Variants in DENND1A observed in about 807,000 individuals in gnomAD.
DENND1A encodes DENN domain containing 1A.
Under a neutral mutation model 113.7 loss-of-function variants are expected in DENND1A, and 51 were observed. That is an observed-to-expected ratio of 0.45 (90% CI 0.36 to 0.57). DENND1A has a LOEUF of 0.57. Ranked by LOEUF, DENND1A falls within the 20% of genes least tolerant of loss-of-function variation. The pLI, the probability that DENND1A is intolerant of heterozygous loss-of-function variation, is 0.00. For synonymous variants in DENND1A, 565 were observed against 570.8 expected (o/e 0.99, Z 0.14); for missense variants, 1,258 against 1,395.9 (o/e 0.90, Z 1.57).
At chr9:123,823,927 T>G (rs937375931) in intron 2 of DENND1A, among the ~76,000 whole-genome samples, 1 of 152,108 alleles carries the variant, frequency 6.6e-6, no homozygotes, top group African/African-American at 2.4e-5. Flanking sequence ...AGGAGAATGA[T>G]CCTAAGTTCA....
chr9:123,414,279 G>T (rs993670338), intron 19 of DENND1A: 4 of 1,343,118 alleles, frequency 3.0e-6, no homozygotes, highest in Non-Finnish European at 3.8e-6. Context: ...TGGACGTCAG[G>T]TTCTTTGCAC....
chr9:123,576,161 T>TA (rs1474837707), intron 12 of DENND1A, among the ~76,000 whole-genome samples: 1 of 152,212 alleles, frequency 6.6e-6, no homozygotes, highest in East Asian at 1.9e-4. Context: ...TAATACAGTC[T>TA]ACCTTCAAAT....
intron 2 of DENND1A, among the ~76,000 whole-genome samples, chr9:123,814,294 T>G (rs1212880286): frequency 6.6e-6 from 1 of 152,126 alleles, no homozygotes; most frequent in Non-Finnish European, 1.5e-5. Context: ...AAATGTTAAT[T>G]TAATATTTTT....
At chr9:123,914,908 T>C (rs866365687) in intron 1 of DENND1A, among the ~76,000 whole-genome samples, 1 of 152,000 alleles carries the variant, frequency 6.6e-6, no homozygotes, top group African/African-American at 2.4e-5. Context: ...CACATGGGAT[T>C]TGGAGGCGAC....
At chr9:123,696,999 G>A (rs1189566143) in intron 5 of DENND1A, among the ~76,000 whole-genome samples, 1 of 152,146 alleles carries the variant, frequency 6.6e-6, no homozygotes, top group Non-Finnish European at 1.5e-5. Context: ...ACCTGCCACT[G>A]TGCCGGTTAA....
chr9:123,743,184 C>G (rs2069166276), intron 5 of DENND1A, among the ~76,000 whole-genome samples: 1 of 151,938 alleles, frequency 6.6e-6, no homozygotes, highest in Non-Finnish European at 1.5e-5. Flanking sequence ...ACAGGCAGAT[C>G]ACTTGAGGTC....
intron 5 of DENND1A, among the ~76,000 whole-genome samples, chr9:123,732,760 T>C (rs1163191782): frequency 6.6e-6 from 1 of 152,168 alleles, no homozygotes; most frequent in Non-Finnish European, 1.5e-5. Flanking sequence ...ACTTATCTGA[T>C]TGAATTTAGT....
chr9:123,393,608 C>A (rs1402733387), intron 21 of DENND1A, among the ~76,000 whole-genome samples: 1 of 151,986 alleles, frequency 6.6e-6, no homozygotes, highest in Non-Finnish European at 1.5e-5. Flanking sequence ...GTGGCACACG[C>A]CCCATAGAAG....
chr9:123,545,161 T>C (rs2056575600), intron 13 of DENND1A, among the ~76,000 whole-genome samples: 1 of 152,048 alleles, frequency 6.6e-6, no homozygotes, highest in Middle Eastern at 3.2e-3. Flanking sequence ...GCACCTTCTA[T>C]GTATCAGGTT....
intron 5 of DENND1A, among the ~76,000 whole-genome samples, chr9:123,724,414 A>G (rs1328831459): frequency 1.3e-5 from 2 of 152,146 alleles, no homozygotes; most frequent in African/African-American, 4.8e-5. Flanking sequence ...GCTCCAGGCC[A>G]AATCTGACTT....
chr9:123,718,300 C>G (rs1241188477), intron 5 of DENND1A, among the ~76,000 whole-genome samples: 2 of 152,090 alleles, frequency 1.3e-5, no homozygotes, highest in African/African-American at 4.8e-5. Flanking sequence ...TACAAAATGA[C>G]AGAATTTAAT....
chr9:123,663,845 A>T (rs918704958), intron 8 of DENND1A, among the ~76,000 whole-genome samples: 16 of 151,234 alleles, frequency 1.1e-4, no homozygotes, highest in Middle Eastern at 6.8e-3. Flanking sequence ...TTGAAACTTA[A>T]CAACAAAAAA....
At chr9:123,773,312 A>C (rs1420342986) in intron 3 of DENND1A, among the ~76,000 whole-genome samples, 2 of 152,216 alleles carry the variant, frequency 1.3e-5, no homozygotes, top group African/African-American at 4.8e-5. Flanking sequence ...AACGCTGGAT[A>C]CACTTGCAAA....
intron 13 of DENND1A, among the ~76,000 whole-genome samples, chr9:123,460,607 TC>T (rs2048451457): frequency 6.6e-6 from 1 of 152,222 alleles, no homozygotes; most frequent in Admixed American, 6.5e-5. Flanking sequence ...AGTGGACCTA[TC>T]AGACTTTCTA....
intron 11 of DENND1A, among the ~76,000 whole-genome samples, chr9:123,593,279 C>T (rs967300786): frequency 2.6e-5 from 4 of 152,144 alleles, no homozygotes; most frequent in Non-Finnish European, 4.4e-5. Context: ...ACCTCAATTT[C>T]TTTATCCATA....
chr9:123,638,349 AT>A (rs1281126952), intron 9 of DENND1A, among the ~76,000 whole-genome samples: 4 of 152,342 alleles, frequency 2.6e-5, no homozygotes, highest in African/African-American at 9.6e-5. Flanking sequence ...TGGGGGACTG[AT>A]AACAATGTAT....
At chr9:123,454,931 A>T in intron 15 of DENND1A, 152 bp from the exon 16 acceptor site, 2 of 684,522 alleles carry the variant, frequency 2.9e-6, no homozygotes, top group Non-Finnish European at 5.0e-6. Flanking sequence ...CCTGGGTTCA[A>T]GCAATTCTCC....
At chr9:123,552,018 C>CGAGAGAGAGAGAGAGAGAGAGAGAGA (rs10657747) in intron 13 of DENND1A, among the ~76,000 whole-genome samples, 1 of 118,568 alleles carries the variant, frequency 8.4e-6, no homozygotes, top group Non-Finnish European at 1.8e-5. Context: ...AGAGCGAGAG[C>CGAGAGAGAGAGAGAGAGAGAGAGAGA]GAGAGAGAGA....
At chr9:123,903,259 G>C (rs1233880908) in intron 1 of DENND1A, among the ~76,000 whole-genome samples, 3 of 146,270 alleles carry the variant, frequency 2.1e-5, no homozygotes, top group Non-Finnish European at 4.5e-5. Flanking sequence ...GTGAACCCGG[G>C]AGGCGGAGCT....
Sources: gnomAD v4.1 joint callset for allele counts (sites outside exome capture counted in the v4.1 genomes callset) on GRCh38, gnomAD v4.1.1 for gene constraint, MANE v1.5 for transcripts, NCBI Gene and HGNC (gene_info 2026-07-23, HGNC 2026-07-21) for gene names.